The following BORA variants were observed in gnomAD, a reference collection of about 807,000 sequenced individuals.
BORA encodes BORA aurora kinase A activator, also known as protein aurora borealis.
In BORA, 26 loss-of-function variants were observed where a neutral mutation model predicts 55.8. The observed-to-expected ratio is 0.47, with a 90% confidence interval of 0.34 to 0.65. BORA has a LOEUF of 0.65. BORA is among the 30% of genes least tolerant of loss of function. BORA has a pLI of 0.01. For synonymous variants in BORA, 201 were observed against 216.9 expected, an observed-to-expected ratio of 0.93 and a Z score of 0.64; for missense variants, 568 against 671.5, an observed-to-expected ratio of 0.85 and a Z score of 1.70.
In BORA at chr13:72,753,670, TTTC is replaced by T. The variant is rs774601518; in HGVS notation, c.1483-17_1483-15del. 4.7e-5 allele frequency: 75 copies of T among 1,598,970 alleles called. No individual in the cohort carries two copies. The Admixed American group carries it at 4.7e-4, about 10-fold the overall frequency. On this transcript the variant is annotated splice_polypyrimidine_tract_variant and intron_variant, in intron 10 of 11. Coordinates refer to ENST00000390667, the MANE Select transcript of BORA (RefSeq NM_024808.5). ...TTTTAAGTTCCTCACAATATATTTT[TTTC>T]TTTTTTCTCCTGTCAGATGGATAGT...
rs1475982270 is a variant in BORA at position 72,746,067 on chromosome 13, C to T, written c.862C>T (p.Pro288Ser). The change falls in exon 9 of 12, where the codon CCA becomes TCA. Residue 288 changes from proline to serine, a missense_variant. Coordinates refer to ENST00000390667, the MANE Select transcript of BORA (RefSeq NM_024808.5). ...SPIEFQIGET[P>S]LSEQRKFTVH... Reference sequence around the variant, plus strand: ...AATTGAATTTCAGATAGGAGAGACTCCACTCTCAGGTATGTCTCATAATAA... The same window carrying T: ...AATTGAATTTCAGATAGGAGAGACTTCACTCTCAGGTATGTCTCATAATAA... The T allele has an allele frequency of 1.2e-6, 2 of 1,609,528 alleles. No homozygotes were observed. The highest frequency in any genetic ancestry group is 1.7e-6 in the Non-Finnish European group (2 of 1,176,324).
In BORA at chr13:72,729,087, A is replaced by G; in HGVS notation, c.147A>G (p.Lys49=). ...GTCCTTCTGTTTTTAAATCAACAAA[A>G]TTACCAGTAAGTTATTCCTGACTAG... ...LASPSVFKST[K]LPTPGKFRWS... Residue 49 remains lysine (K), a synonymous_variant, in exon 2 of 12, where the codon AAA becomes AAG. Transcript: ENST00000390667. 3 of 1,558,122 alleles carry G rather than the reference A, an allele frequency of 1.9e-6. No individual in the cohort carries two copies. Among genetic ancestry groups the G allele is most frequent in the East Asian group, 2.3e-5 (1 of 43,220 alleles).
chr13:72,729,473 A>T (rs967195400), intron 2 of BORA, among the ~76,000 whole-genome samples: 9 of 152,192 alleles, frequency 5.9e-5, no homozygotes, highest in African/African-American at 2.2e-4. Context: ...CTAAGCAGGG[A>T]TTACACTGTG....
intron 7 of BORA, 27 bp downstream of exon 7, chr13:72,744,588 T>A: frequency 6.5e-7 from 1 of 1,540,732 alleles, no homozygotes; most frequent in Non-Finnish European, 8.9e-7. Flanking sequence ...TTTAAACTTT[T>A]AATAACTTGA....
intron 10 of BORA, chr13:72,753,279 G>A (rs1299954024): frequency 6.4e-6 from 1 of 155,782 alleles, no homozygotes; most frequent in South Asian, 2.0e-4. Flanking sequence ...TGAACAACTA[G>A]GTGTAAATAT....
intron 11 of BORA, chr13:72,754,948 G>A (rs8002668): frequency 0.76 from 376,430 of 493,276 alleles, 144,498 homozygotes; most frequent in South Asian, 0.85. Flanking sequence ...TCCTGGGCTC[G>A]TGCGATCCTC....
Position 72,755,248 on chromosome 13 carries a change from A to T in BORA, c.*32A>T. The T allele has an allele frequency of 6.4e-7, 1 of 1,562,432 alleles. No homozygotes were observed. The highest frequency in any genetic ancestry group is 8.8e-7 in the Non-Finnish European group (1 of 1,134,488). On this transcript the variant is annotated 3_prime_UTR_variant, in exon 12 of 12. Transcript: ENST00000390667. Reference sequence around the variant, plus strand: ...TCTGTCAGAATCAAAGACTAAGCTTAAGAGTTCCTCGCATATATCGTTGTG... The same window carrying T: ...TCTGTCAGAATCAAAGACTAAGCTTTAGAGTTCCTCGCATATATCGTTGTG...
intron 1 of BORA, 90 bp downstream of exon 1, chr13:72,728,097 C>G (rs1233687624): frequency 4.0e-6 from 6 of 1,518,890 alleles, no homozygotes; most frequent in Non-Finnish European, 1.8e-6. Context: ...GCCCGCTCGC[C>G]CCTGGTGAAT....
At chr13:72,735,856 A>T (rs2032914878) in intron 4 of BORA, among the ~76,000 whole-genome samples, 1 of 152,080 alleles carries the variant, frequency 6.6e-6, no homozygotes, top group African/African-American at 2.4e-5. Context: ...TGATCCGCCT[A>T]CCTTGGCCTC....
intron 5 of BORA, among the ~76,000 whole-genome samples, chr13:72,738,734 C>T (rs1488579187): frequency 6.6e-6 from 1 of 152,138 alleles, no homozygotes; most frequent in African/African-American, 2.4e-5. Context: ...TATCAAAAAA[C>T]ACAACATAAT....
chr13:72,745,893 A>G, intron 8 of BORA, 51 bp from the exon 9 acceptor site: 1 of 1,492,972 alleles, frequency 6.7e-7, no homozygotes, highest in Non-Finnish European at 9.1e-7. Context: ...GCAGCATAAG[A>G]GTTAAGGAAG....
chr13:72,743,750 G>T (rs1462044009), intron 6 of BORA, 148 bp downstream of exon 6: 3 of 581,474 alleles, frequency 5.2e-6, no homozygotes, highest in Non-Finnish European at 8.6e-6. Flanking sequence ...TTGAGACAGG[G>T]TCACACTCTG....
At chr13:72,751,695 T>C (rs1429283128) in intron 10 of BORA, among the ~76,000 whole-genome samples, 1 of 152,192 alleles carries the variant, frequency 6.6e-6, no homozygotes, top group Non-Finnish European at 1.5e-5. Context: ...TGAGTGTAAT[T>C]AACAATTTAT....
chr13:72,749,142 T>C (rs935323999), intron 10 of BORA, among the ~76,000 whole-genome samples: 1 of 152,214 alleles, frequency 6.6e-6, no homozygotes, highest in African/African-American at 2.4e-5. Flanking sequence ...TGTGTGATCA[T>C]GTGTCCGTCT....
chr13:72,741,857 A>G (rs1296471946), intron 5 of BORA, among the ~76,000 whole-genome samples: 2 of 152,186 alleles, frequency 1.3e-5, no homozygotes, highest in African/African-American at 2.4e-5. Context: ...AGAGCATAAG[A>G]TAATACCTAG....
intron 6 of BORA, among the ~76,000 whole-genome samples, chr13:72,743,947 G>A (rs1345670830): frequency 6.6e-6 from 1 of 152,038 alleles, no homozygotes; most frequent in Non-Finnish European, 1.5e-5. Flanking sequence ...ATGTTGCCCA[G>A]GCTGGTCTCG....
At chr13:72,738,300 G>A (rs1316228824) in intron 5 of BORA, among the ~76,000 whole-genome samples, 1 of 152,038 alleles carries the variant, frequency 6.6e-6, no homozygotes, top group Non-Finnish European at 1.5e-5. Flanking sequence ...GGTTATAGAG[G>A]ATCCATAGAT....
chr13:72,754,311 T>A (rs985856238), intron 11 of BORA: 1 of 155,490 alleles, frequency 6.4e-6, no homozygotes, highest in African/African-American at 2.6e-5. Context: ...GTTTCTTTTT[T>A]TTCTTTTTTT....
Position 72,753,729 on chromosome 13 carries a change from A to G in BORA, c.1522A>G (p.Ile508Val), listed in dbSNP as rs750445339. ...GYNTQNCGSNIMDTVGAESYC... is the reference protein window; with the variant it reads ...GYNTQNCGSNVMDTVGAESYC... Reference sequence around the variant, plus strand: ...TAATACGCAGAATTGTGGAAGCAATATTATGGATACAGTTGGGGCAGAAAG... The same window carrying G: ...TAATACGCAGAATTGTGGAAGCAATGTTATGGATACAGTTGGGGCAGAAAG... Residue 508 changes from isoleucine to valine, a missense_variant, in exon 11 of 12, where the codon ATT becomes GTT. Ile to Val is a conservative substitution (Grantham distance 29). Coordinates refer to ENST00000390667, the MANE Select transcript of BORA (RefSeq NM_024808.5). 2 of 1,613,628 alleles carry G rather than the reference A, an allele frequency of 1.2e-6. No homozygotes were observed. Among genetic ancestry groups the G allele is most frequent in the East Asian group, 4.5e-5 (2 of 44,794 alleles).
Sources: gnomAD v4.1 joint callset for allele counts (sites outside exome capture counted in the v4.1 genomes callset) on GRCh38, gnomAD v4.1.1 for gene constraint, MANE v1.5 for transcripts, NCBI Gene and HGNC (gene_info 2026-07-23, HGNC 2026-07-21) for gene names.